CACNA1D: variants seen among roughly 807,000 people sequenced by gnomAD.
CACNA1D encodes the protein calcium voltage-gated channel subunit alpha1 D.
A neutral mutation model predicts 257.1 loss-of-function variants in CACNA1D; 55 were observed. The ratio of observed to expected loss-of-function variants is 0.21; its 90% CI spans 0.17 to 0.27. The LOEUF (loss-of-function observed/expected upper bound fraction) is 0.27, where lower values mean the gene tolerates loss of function less well. CACNA1D is among the 10% of genes least tolerant of loss of function. CACNA1D has a pLI of 1.00. For synonymous variants in CACNA1D, 980 were observed against 1,014.9 expected, an observed-to-expected ratio of 0.97 and a Z score of 0.65; for missense variants, 1,876 against 2,784.0, an observed-to-expected ratio of 0.67 and a Z score of 7.34.
chr3:53,706,091 C>T (rs978337146), intron 9 of CACNA1D, among the ~76,000 whole-genome samples: 23 of 152,210 alleles, frequency 1.5e-4, no homozygotes, highest in Non-Finnish European at 3.1e-4. Flanking sequence ...CAACCCTGCT[C>T]CTCTGTTACC....
chr3:53,779,962 C>T (rs2095417368), intron 37 of CACNA1D, 64 bp from the exon 38 acceptor site: 1 of 1,126,434 alleles, frequency 8.9e-7, no homozygotes, highest in African/African-American at 1.5e-5. Flanking sequence ...AATAAACATC[C>T]AAAAGGATAT....
rs2094902820 is a variant in CACNA1D, at chr3:53,723,547, G to A, written c.1780G>A (p.Val594Met). The change falls in exon 13 of 48, where the codon GTG becomes ATG. Residue 594 changes from valine (V) to methionine (M), a missense_variant. Around this residue, in one of 10 missense-constraint regions of CACNA1D, gnomAD observed 257 missense variants for 399.7 expected, o/e 0.64. Transcript: ENST00000350061. This position sits in a 1 kb window ranked among gnomAD's most constrained non-coding sequence, Gnocchi z 5.6. ...VSLFNRFDCFVVCGGITETIL... is the reference protein window; with the variant it reads ...VSLFNRFDCFMVCGGITETIL... ...TCTTTTCAACCGGTTTGATTGCTTC[G>A]TGGTGTGTGGTGGAATCACTGAGAC... The A allele has an allele frequency of 1.9e-6, 3 of 1,613,914 alleles. No homozygotes were observed. The highest frequency in any genetic ancestry group is 2.5e-6 in the Non-Finnish European group (3 of 1,180,006).
chr3:53,767,325 G>A (rs1366548526), intron 30 of CACNA1D, among the ~76,000 whole-genome samples: 1 of 152,166 alleles, frequency 6.6e-6, no homozygotes, highest in Non-Finnish European at 1.5e-5. Context: ...AGCACTTTGG[G>A]AGGCCGAGAT....
chr3:53,595,362 A>G (rs1358142224), intron 3 of CACNA1D, among the ~76,000 whole-genome samples: 1 of 152,190 alleles, frequency 6.6e-6, no homozygotes, highest in African/African-American at 2.4e-5. Flanking sequence ...GAAGAACAGG[A>G]TGGACACCAG....
At chr3:53,803,950 G>A (rs532715619) in intron 44 of CACNA1D, among the ~76,000 whole-genome samples, 6 of 152,250 alleles carry the variant, frequency 3.9e-5, no homozygotes, top group South Asian at 2.1e-4. Flanking sequence ...TGTGGACGGC[G>A]GCTTGGCCAG....
At chr3:53,662,481 A>G (rs898789037) in intron 5 of CACNA1D, among the ~76,000 whole-genome samples, 27 of 152,150 alleles carry the variant, frequency 1.8e-4, no homozygotes, top group African/African-American at 6.0e-4. Context: ...AACATTTATC[A>G]AAGTTCAAGA....
chr3:53,760,567 C>T (rs147242610), intron 29 of CACNA1D, among the ~76,000 whole-genome samples: 1 of 152,334 alleles, frequency 6.6e-6, no homozygotes, highest in East Asian at 1.9e-4. Flanking sequence ...TCCGTTGCCT[C>T]TTTGGCTGTC....
chr3:53,756,984 A>G (rs771361829), intron 29 of CACNA1D, among the ~76,000 whole-genome samples: 1 of 152,208 alleles, frequency 6.6e-6, no homozygotes, highest in Non-Finnish European at 1.5e-5. Flanking sequence ...ATACTAATTT[A>G]TACTCCTAGC....
At chr3:53,659,598 A>T (rs1021098511) in intron 4 of CACNA1D, among the ~76,000 whole-genome samples, 367 of 152,328 alleles carry the variant, frequency 2.4e-3, no homozygotes, top group African/African-American at 8.7e-3. Flanking sequence ...CTGTTACAGA[A>T]CCTGTGTTCT....
chr3:53,562,624 A>AT (rs1380065663), intron 3 of CACNA1D, among the ~76,000 whole-genome samples: 1 of 150,776 alleles, frequency 6.6e-6, no homozygotes, highest in East Asian at 1.9e-4. Context: ...TCTTACCACA[A>AT]TCCAGTTTTA....
At chr3:53,748,665 A>G (rs946067539) in intron 26 of CACNA1D, among the ~76,000 whole-genome samples, 1 of 152,118 alleles carries the variant, frequency 6.6e-6, no homozygotes, top group Non-Finnish European at 1.5e-5. Context: ...TGGGGATGAT[A>G]GTAATGTCTG....
At chr3:53,609,346 C>G (rs945541157) in intron 3 of CACNA1D, among the ~76,000 whole-genome samples, 2 of 143,340 alleles carry the variant, frequency 1.4e-5, no homozygotes, top group Admixed American at 1.5e-4. Flanking sequence ...GGAGGCAGAG[C>G]TTGCAGTGAG....
At chr3:53,735,857 G>A (rs868050254) in intron 20 of CACNA1D, among the ~76,000 whole-genome samples, 3 of 152,152 alleles carry the variant, frequency 2.0e-5, no homozygotes, top group African/African-American at 7.2e-5. Context: ...TTCATGCCTC[G>A]TGGAAGCACA....
chr3:53,747,080 C>T (rs1413279387), intron 25 of CACNA1D, among the ~76,000 whole-genome samples: 3 of 152,274 alleles, frequency 2.0e-5, no homozygotes, highest in South Asian at 2.1e-4. Flanking sequence ...GGAGAATACA[C>T]GTTGCACTGG....
chr3:53,808,776 C>A lies in CACNA1D; in HGVS notation c.5871+6C>A. On this transcript the variant is annotated splice_donor_region_variant and intron_variant, in intron 46 of 47. Transcript: ENST00000350061. The stretch of plus-strand genomic sequence containing the variant: ...TGCATCTAATGCAGCAACAGGTGAG[C>A]GGCCCACCTGGCCTTGCCCCCACAC... 1 of 1,605,180 alleles carries A rather than the reference C, an allele frequency of 6.2e-7. No individual in the cohort carries two copies. The highest frequency in any genetic ancestry group is 8.5e-7 in the Non-Finnish European group (1 of 1,179,930).
At chr3:53,802,222 A>G in intron 43 of CACNA1D, 49 bp downstream of exon 43, 1 of 1,429,404 alleles carries the variant, frequency 7.0e-7, no homozygotes, top group Non-Finnish European at 9.9e-7. Context: ...ATGGTATGTT[A>G]CCAGCTGGCC....
intron 44 of CACNA1D, among the ~76,000 whole-genome samples, chr3:53,804,065 T>C (rs1285559610): frequency 1.3e-5 from 2 of 152,152 alleles, no homozygotes; most frequent in Non-Finnish European, 2.9e-5. Context: ...GAGGGGTCCA[T>C]CTTGCTTCTG....
At chr3:53,602,764 A>G (rs914978863) in intron 3 of CACNA1D, among the ~76,000 whole-genome samples, 2 of 152,154 alleles carry the variant, frequency 1.3e-5, no homozygotes, top group African/African-American at 4.8e-5. Context: ...AGAAACATCT[A>G]TACAGATCTT....
At chr3:53,573,577 C>T (rs769032446) in intron 3 of CACNA1D, among the ~76,000 whole-genome samples, 1 of 152,196 alleles carries the variant, frequency 6.6e-6, no homozygotes. Flanking sequence ...TTATTTTTCT[C>T]CTTTGTGCTT....
Sources: allele counts gnomAD v4.1 joint callset (sites outside exome capture counted in the v4.1 genomes callset), GRCh38; gene constraint gnomAD v4.1.1; regional missense constraint gnomAD v4.1.1; non-coding constraint Gnocchi (gnomAD v3.1); transcripts MANE v1.5; gene names NCBI Gene and HGNC (gene_info 2026-07-23, HGNC 2026-07-21).